SYCP2: variants seen among roughly 807,000 people sequenced by gnomAD.
The protein encoded by SYCP2 is synaptonemal complex protein 2, also known as synaptonemal complex lateral element protein.
A neutral mutation model predicts 211.3 loss-of-function variants in SYCP2; 55 were observed. The ratio of observed to expected loss-of-function variants is 0.26; its 90% CI spans 0.21 to 0.33. The LOEUF (loss-of-function observed/expected upper bound fraction) is 0.33, where lower values mean the gene tolerates loss of function less well. Ranked by LOEUF, SYCP2 falls within the 10% of genes least tolerant of loss-of-function variation. The probability of loss-of-function intolerance (pLI) is 1.00; values close to 1 mark genes in which losing one functional copy is unlikely to be tolerated. For missense variants in SYCP2, 1,731 were observed against 1,752.0 expected (o/e 0.99, Z 0.21); for synonymous variants, 570 against 555.2 (o/e 1.03, Z -0.37).
At chr20:59,916,874 G>A (rs1284880311) in intron 7 of SYCP2, among the ~76,000 whole-genome samples, 3 of 152,210 alleles carry the variant, frequency 2.0e-5, no homozygotes, top group East Asian at 1.9e-4. Context: ...AGCCGTGATC[G>A]TGCCACTGTA....
At chr20:59,919,618 A>AT in intron 5 of SYCP2, 21 bp from the exon 6 acceptor site, 2 of 1,420,444 alleles carry the variant, frequency 1.4e-6, no homozygotes, top group African/African-American at 1.4e-5. Flanking sequence ...GAATGAACTT[A>AT]TTAGAGTTCC....
intron 2 of SYCP2, among the ~76,000 whole-genome samples, chr20:59,931,294 G>C (rs573904070): frequency 6.6e-6 from 1 of 152,308 alleles, no homozygotes; most frequent in South Asian, 2.1e-4. Context: ...GATCGCAGCT[G>C]TGGTCTAGCT....
chr20:59,897,903 G>A (rs767807770), intron 18 of SYCP2, among the ~76,000 whole-genome samples: 23 of 152,014 alleles, frequency 1.5e-4, no homozygotes, highest in Non-Finnish European at 3.2e-4. Flanking sequence ...GGCTAACAAG[G>A]AAACCCTGTC....
chr20:59,913,924 T>C lies in SYCP2; in HGVS notation c.830+51A>G, dbSNP rs183420094. 4,793 of 1,416,514 alleles carry C rather than the reference T, an allele frequency of 3.4e-3. 49 individuals carry two copies. The highest frequency in any genetic ancestry group is 0.02 in the South Asian group (1,446 of 73,418). 87.7% of individuals were successfully genotyped at this position (1,416,514 alleles called of 1,614,324 possible). The stretch of plus-strand genomic sequence containing the variant: ...AAGATGCAACACTGGGTGCTCACTC[T>C]TGAGCTCTATTTATTTGACAGTAAA... On this transcript the variant is annotated intron_variant, in intron 12 of 44. Transcript: ENST00000357552.
intron 31 of SYCP2, 79 bp downstream of exon 31, chr20:59,880,224 A>C (rs2059649361): frequency 1.8e-6 from 2 of 1,139,130 alleles, no homozygotes; most frequent in South Asian, 2.8e-5. Context: ...AAATACAATA[A>C]GCTTATATAA....
intron 35 of SYCP2, among the ~76,000 whole-genome samples, chr20:59,872,025 T>C (rs973421799): frequency 2.0e-5 from 3 of 152,000 alleles, no homozygotes; most frequent in African/African-American, 7.2e-5. Context: ...TTTGAAAATA[T>C]GCCTTGGGGA....
intron 39 of SYCP2, 96 bp downstream of exon 39, chr20:59,867,615 T>C: frequency 9.3e-7 from 1 of 1,080,206 alleles, no homozygotes; most frequent in Non-Finnish European, 1.3e-6. Flanking sequence ...AATGGATATT[T>C]TGTTGCCAAA....
At chr20:59,911,045 A>C (rs1568968587) in intron 14 of SYCP2, among the ~76,000 whole-genome samples, 2 of 152,218 alleles carry the variant, frequency 1.3e-5, no homozygotes, top group African/African-American at 4.8e-5. Context: ...TAAGAAACAG[A>C]CTAAAAAGAC....
Position 59,865,886 on chromosome 20 carries a change from TTA to T in SYCP2, c.4321-23_4321-22del. On this transcript the variant is annotated intron_variant, in intron 41 of 44. Transcript: ENST00000357552. Reference sequence around the variant, plus strand: ...AAGTCCTAAATTAATTAATAAAATTTTATTTAGTCCTAAATATTTTAGTCCTA... The same window carrying T: ...AAGTCCTAAATTAATTAATAAAATTTTTTAGTCCTAAATATTTTAGTCCTA... 6 of 1,097,512 alleles carry T rather than the reference TTA, an allele frequency of 5.5e-6. No homozygotes were observed. The South Asian group carries it at 1.0e-4, about 18-fold the overall frequency. 68.0% of individuals were successfully genotyped at this position (1,097,512 alleles called of 1,614,324 possible).
chr20:59,895,785 G>A (rs1158395807), intron 19 of SYCP2, among the ~76,000 whole-genome samples, 188 bp from the exon 20 acceptor site: 1 of 152,026 alleles, frequency 6.6e-6, no homozygotes, highest in African/African-American at 2.4e-5. Flanking sequence ...TGCAGGAAGG[G>A]TGGAAAGATT....
intron 33 of SYCP2, 52 bp downstream of exon 33, chr20:59,877,333 A>G (rs1296220663): frequency 1.6e-6 from 2 of 1,228,342 alleles, no homozygotes; most frequent in Non-Finnish European, 2.2e-6. Context: ...AAAAATATAT[A>G]TTTAGTATTT....
At chr20:59,919,321 C>A in intron 6 of SYCP2, 139 bp from the exon 7 acceptor site, 1 of 659,696 alleles carries the variant, frequency 1.5e-6, no homozygotes, top group Non-Finnish European at 2.6e-6. Flanking sequence ...ATTAACTAAC[C>A]ATTTAATTAT....
intron 14 of SYCP2, among the ~76,000 whole-genome samples, chr20:59,909,491 T>C (rs1297775240): frequency 1.3e-5 from 2 of 152,186 alleles, no homozygotes; most frequent in Non-Finnish European, 2.9e-5. Flanking sequence ...TTTCTTTTTA[T>C]CCATTCTCCC....
At chr20:59,872,098 C>T (rs994018421) in intron 35 of SYCP2, among the ~76,000 whole-genome samples, 5 of 151,954 alleles carry the variant, frequency 3.3e-5, no homozygotes, top group African/African-American at 4.8e-5. Flanking sequence ...CCTACCTCTA[C>T]TTTAAACAGC....
At chr20:59,914,854 A>C (rs2060405349) in intron 10 of SYCP2, among the ~76,000 whole-genome samples, 1 of 152,080 alleles carries the variant, frequency 6.6e-6, no homozygotes, top group East Asian at 1.9e-4. Context: ...TATTATATTA[A>C]TCTATTAATT....
chr20:59,910,098 G>A (rs1055683484), intron 14 of SYCP2, among the ~76,000 whole-genome samples: 1 of 152,106 alleles, frequency 6.6e-6, no homozygotes, highest in South Asian at 2.1e-4. Flanking sequence ...AACAGCCAGA[G>A]ACCAGGCCAC....
intron 39 of SYCP2, among the ~76,000 whole-genome samples, chr20:59,867,342 G>A (rs948628978): frequency 1.3e-5 from 2 of 151,408 alleles, no homozygotes; most frequent in African/African-American, 4.9e-5. Context: ...AAATGAAATG[G>A]TATTGCTCTG....
At chr20:59,907,299 G>C (rs1600932155) in intron 15 of SYCP2, 65 bp downstream of exon 15, 1 of 1,025,286 alleles carries the variant, frequency 9.8e-7, no homozygotes, top group East Asian at 2.5e-5. Context: ...AACCCAGAAA[G>C]GATGTAACAT....
At chr20:59,890,840 A>C (rs1373417702) in intron 24 of SYCP2, among the ~76,000 whole-genome samples, 1 of 151,818 alleles carries the variant, frequency 6.6e-6, no homozygotes, top group Non-Finnish European at 1.5e-5. Context: ...TTTAAATTTA[A>C]AGACAGATCT....
Sources: allele counts gnomAD v4.1 joint callset (sites outside exome capture counted in the v4.1 genomes callset), GRCh38; gene constraint gnomAD v4.1.1; transcripts MANE v1.5; gene names NCBI Gene and HGNC (gene_info 2026-07-23, HGNC 2026-07-21).